Variants in FYN observed in about 807,000 individuals in gnomAD.
FYN encodes the protein tyrosine-protein kinase Fyn.
FYN carries 10 observed loss-of-function variants against 70.2 expected under a neutral mutation model. The observed-to-expected ratio is 0.14, with a 90% CI of 0.09 to 0.24. The LOEUF is 0.24. Ranked by LOEUF, FYN falls within the 10% of genes least tolerant of loss-of-function variation. The pLI, the probability that FYN is intolerant of heterozygous loss-of-function variation, is 1.00. For synonymous variants in FYN, 236 were observed against 248.6 expected, an observed-to-expected ratio of 0.95 and a Z score of 0.48; for missense variants, 319 against 673.1, an observed-to-expected ratio of 0.47 and a Z score of 5.82.
chr6:111,822,311 T>C (rs1772690500), intron 2 of FYN, among the ~76,000 whole-genome samples: 1 of 152,144 alleles, frequency 6.6e-6, no homozygotes, highest in African/African-American at 2.4e-5. Flanking sequence ...TAAAAAAGGA[T>C]GAGTTCATGT....
At chr6:111,782,015 G>T (rs1463776023) in intron 2 of FYN, among the ~76,000 whole-genome samples, 2 of 152,108 alleles carry the variant, frequency 1.3e-5, no homozygotes, top group Non-Finnish European at 2.9e-5. Flanking sequence ...TCAGATAAGG[G>T]TTAGAGACAA....
intron 2 of FYN, among the ~76,000 whole-genome samples, chr6:111,783,075 G>A (rs979932388): frequency 6.6e-6 from 1 of 152,160 alleles, no homozygotes; most frequent in Admixed American, 6.5e-5. Context: ...CGTGGACACT[G>A]GTCCCTCCAT....
rs577900441 is a variant in FYN at position 111,722,950 on chromosome 6, C to T, written c.-11-2888G>A. Among the ~76,000 whole-genome samples the T allele has an allele frequency of 4.2e-3, 638 of 152,254 alleles. 1 individual carries two copies. Among genetic ancestry groups the T allele is most frequent in the African/African-American group, 0.015 (605 of 41,542 alleles). Reference sequence around the variant, plus strand: ...TGCAACCCATCATGCTTTCTTCAGGCGAACAGGCATGTTAGGTAGAAGCAG... The same window carrying T: ...TGCAACCCATCATGCTTTCTTCAGGTGAACAGGCATGTTAGGTAGAAGCAG... On this transcript the variant is annotated intron_variant, in intron 3 of 13. Coordinates refer to ENST00000354650, the MANE Select transcript of FYN (RefSeq NM_002037.5).
chr6:111,710,167 T>C (rs1048978796), intron 5 of FYN, among the ~76,000 whole-genome samples: 1 of 152,136 alleles, frequency 6.6e-6, no homozygotes, highest in Non-Finnish European at 1.5e-5. Flanking sequence ...GAGGAAAAAA[T>C]TAAGTGCTTG....
intron 2 of FYN, among the ~76,000 whole-genome samples, chr6:111,832,131 A>G (rs544267772): frequency 6.6e-6 from 1 of 152,362 alleles, no homozygotes; most frequent in South Asian, 2.1e-4. Flanking sequence ...GCAAGTTGAT[A>G]TAACTTTTTC....
intron 12 of FYN, among the ~76,000 whole-genome samples, chr6:111,686,318 C>T (rs1422765557): frequency 6.6e-6 from 1 of 152,122 alleles, no homozygotes; most frequent in Admixed American, 6.6e-5. Flanking sequence ...GTACCAAACT[C>T]GGATCCGGGA....
intron 9 of FYN, chr6:111,699,485 A>G: frequency 6.2e-7 from 1 of 1,603,118 alleles, no homozygotes. Context: ...TTTGAGATGC[A>G]GCCAAAACAA....
At chr6:111,702,772 C>T (rs1799900164) in intron 8 of FYN, 113 bp downstream of exon 8, 1 of 1,042,892 alleles carries the variant, frequency 9.6e-7, no homozygotes, top group African/African-American at 1.6e-5. Flanking sequence ...AGAAAACATA[C>T]TCTATAAGTG....
At chr6:111,858,700 C>T (rs1773885384) in intron 1 of FYN, among the ~76,000 whole-genome samples, 1 of 152,064 alleles carries the variant, frequency 6.6e-6, no homozygotes, top group Non-Finnish European at 1.5e-5. Flanking sequence ...GAATCCCTAG[C>T]TTCAATGGGG....
chr6:111,667,314 C>T (rs1798055101), intron 13 of FYN, among the ~76,000 whole-genome samples: 1 of 152,208 alleles, frequency 6.6e-6, no homozygotes, highest in African/African-American at 2.4e-5. Context: ...TCATGGCTCA[C>T]TGCAGCCTTG....
In FYN at chr6:111,721,715, C is replaced by G. The variant is rs190454926; in HGVS notation, c.-11-1653G>C. Among the ~76,000 whole-genome samples the G allele has an allele frequency of 2.0e-5, 3 of 151,960 alleles. No homozygotes were observed. The East Asian group carries it at 5.8e-4, about 30-fold the overall frequency. On this transcript the variant is annotated intron_variant, in intron 3 of 13. Transcript: ENST00000354650. ...CCACCGTGACAGGCCCCTCCTGTGA[C>G]TTTTATCAGCAGTGTACCTTGCATT... is the stretch of plus-strand genomic sequence containing the variant.
At chr6:111,710,156 C>T (rs994691814) in intron 5 of FYN, among the ~76,000 whole-genome samples, 17 of 151,994 alleles carry the variant, frequency 1.1e-4, no homozygotes, top group Admixed American at 3.9e-4. Flanking sequence ...TCCAAAATGG[C>T]GAGGAAAAAA....
At chr6:111,743,522 G>A (rs1467049604) in intron 3 of FYN, among the ~76,000 whole-genome samples, 1 of 152,224 alleles carries the variant, frequency 6.6e-6, no homozygotes, top group Non-Finnish European at 1.5e-5. Flanking sequence ...GTCCCTTCCT[G>A]TGTCCTGTGC....
At chr6:111,790,095 G>A (rs1771555951) in intron 2 of FYN, among the ~76,000 whole-genome samples, 1 of 139,884 alleles carries the variant, frequency 7.1e-6, no homozygotes, top group South Asian at 2.3e-4. Flanking sequence ...TCAGAACTGT[G>A]TGTGTGTGTG....
chr6:111,716,232 T>A (rs1358316290), intron 4 of FYN, among the ~76,000 whole-genome samples: 1 of 152,244 alleles, frequency 6.6e-6, no homozygotes, highest in African/African-American at 2.4e-5. Context: ...AAGCTAGGGC[T>A]AAGCAGTTAT....
At chr6:111,762,657 G>A (rs764558239) in intron 3 of FYN, among the ~76,000 whole-genome samples, 1 of 152,096 alleles carries the variant, frequency 6.6e-6, no homozygotes, top group Non-Finnish European at 1.5e-5. Flanking sequence ...GATGTATTTT[G>A]AAATGGCCCT....
chr6:111,734,282 C>A (rs1331569731), intron 3 of FYN, among the ~76,000 whole-genome samples: 2 of 152,152 alleles, frequency 1.3e-5, no homozygotes, highest in Non-Finnish European at 2.9e-5. Flanking sequence ...CATGGAATGA[C>A]CTGACCAAGT....
intron 2 of FYN, among the ~76,000 whole-genome samples, chr6:111,812,675 A>AGGTCAAAG (rs1772365311): frequency 7.1e-6 from 1 of 140,214 alleles, no homozygotes; most frequent in Non-Finnish European, 1.5e-5. Context: ...AGCTTCCTGA[A>AGGTCAAAG]GGTCAAAGAG....
At position 111,757,174 on chromosome 6, in the gene FYN, A is replaced by G. The variant is rs140532250; in HGVS notation, c.-12+23392T>C. Among the ~76,000 whole-genome samples the G allele has an allele frequency of 9.2e-5, 14 of 152,324 alleles. No homozygotes were observed. The East Asian group carries it at 2.7e-3, about 29-fold the overall frequency. ...AACGGCTAAGTATTAGTTTAATATG[A>G]AAAATTTTATTTCTATCCACGAGCA... On this transcript the variant is annotated intron_variant, in intron 3 of 13. Transcript: ENST00000354650.
Sources: allele counts gnomAD v4.1 joint callset (sites outside exome capture counted in the v4.1 genomes callset), GRCh38; gene constraint gnomAD v4.1.1; transcripts MANE v1.5; gene names NCBI Gene and HGNC (gene_info 2026-07-23, HGNC 2026-07-21).